Variants in KCNH3 observed in about 807,000 individuals in gnomAD.
The protein encoded by KCNH3 is potassium voltage-gated channel subfamily H member 3.
Under a neutral mutation model 95.6 loss-of-function variants are expected in KCNH3, and 36 were observed. The ratio of observed to expected loss-of-function variants is 0.38; its 90% CI spans 0.29 to 0.50. The LOEUF (loss-of-function observed/expected upper bound fraction) is 0.50, where lower values mean the gene tolerates loss of function less well. Among genes scored for constraint, KCNH3 ranks in the 20% least tolerant of loss-of-function variants. KCNH3 has a pLI of 0.95. For synonymous variants in KCNH3, 620 were observed against 646.3 expected (o/e 0.96, Z 0.62); for missense variants, 1,030 against 1,484.1 (o/e 0.69, Z 5.03).
At position 49,541,773 on chromosome 12, in the gene KCNH3, A is replaced by C. The variant is rs1163031282; in HGVS notation, c.445+9A>C. ...CAGATGGAAGGAGACAGGTAGGTGCATGTAGGTGCTGTGGTCGGGGTATTG... is the reference window on the plus strand; with the variant it reads ...CAGATGGAAGGAGACAGGTAGGTGCCTGTAGGTGCTGTGGTCGGGGTATTG... On this transcript the variant is annotated intron_variant, in intron 3 of 14. Transcript: ENST00000257981. 1.2e-6 allele frequency: 2 copies of C among 1,613,874 alleles called. No homozygotes were observed. The highest frequency in any genetic ancestry group is 2.2e-5 in the East Asian group (1 of 44,880).
chr12:49,542,610 C>T (rs1264349568), intron 3 of KCNH3, 96 bp from the exon 4 acceptor site: 2 of 1,382,670 alleles, frequency 1.4e-6, no homozygotes, highest in Non-Finnish European at 1.9e-6. Context: ...TGAGCCAGAC[C>T]AGTCCATGGG....
At chr12:49,550,043 T>TTGCCCCCCCCCCCCCCCCCCCCCCCC in intron 9 of KCNH3, 37 bp from the exon 10 acceptor site, 1 of 1,299,542 alleles carries the variant, frequency 7.7e-7, no homozygotes, top group Non-Finnish European at 1.1e-6. Context: ...CTTCTGCCAC[T>TTGCCCCCCCCCCCCCCCCCCCCCCCC]CCCAACCCCC....
intron 7 of KCNH3, among the ~76,000 whole-genome samples, chr12:49,546,404 GC>G (rs1401042823): frequency 6.6e-6 from 1 of 151,724 alleles, no homozygotes; most frequent in East Asian, 1.9e-4. Flanking sequence ...TCCAAGTCCA[GC>G]CCTGGCAGGA....
At position 49,541,054 on chromosome 12, in the gene KCNH3, C is replaced by T; in HGVS notation, c.232C>T (p.Leu78Phe). The T allele has an allele frequency of 1.2e-6, 2 of 1,613,378 alleles. No individual in the cohort carries two copies. Among genetic ancestry groups the T allele is most frequent in the Non-Finnish European group, 1.7e-6 (2 of 1,180,030 alleles). ...CCTTTATGGGCCAGACACCAGTGAG[C>T]TCGTCCGCCAACAGATCCGCAAGGC... ...SFLYGPDTSELVRQQIRKALD... is the reference protein window; with the variant it reads ...SFLYGPDTSEFVRQQIRKALD... Residue 78 changes from leucine (L) to phenylalanine (F), a missense_variant, in exon 2 of 15, where the codon CTC (leucine) becomes TTC (phenylalanine). Around this residue, in one of 9 missense-constraint regions of KCNH3, gnomAD observed 63 missense variants for 107.7 expected, o/e 0.59. Transcript: ENST00000257981.
chr12:49,551,039 G>T (rs1212473446), intron 10 of KCNH3, among the ~76,000 whole-genome samples: 2 of 152,182 alleles, frequency 1.3e-5, no homozygotes, highest in Non-Finnish European at 2.9e-5. Context: ...TTCCTATTTT[G>T]CATAGCAGGA....
intron 7 of KCNH3, 130 bp downstream of exon 7, chr12:49,544,512 T>C (rs1373722950): frequency 1.1e-6 from 1 of 884,518 alleles, no homozygotes; most frequent in Non-Finnish European, 1.8e-6. Context: ...GAGAAGAGGG[T>C]GTGCAGGTGT....
At chr12:49,547,924 A>G (rs1938114858) in intron 7 of KCNH3, among the ~76,000 whole-genome samples, 1 of 152,032 alleles carries the variant, frequency 6.6e-6, no homozygotes, top group Non-Finnish European at 1.5e-5. Context: ...TCCCCCATCC[A>G]ACACCCTAGA....
In KCNH3 at chr12:49,539,511, C is replaced by A. The variant is rs754655523; in HGVS notation, c.76+19C>A. 7 of 1,583,966 alleles carry A rather than the reference C, an allele frequency of 4.4e-6. No homozygotes were observed. The East Asian group carries it at 1.5e-4, about 33-fold the overall frequency. ...GGCACGCGTGAGTCCGACCCTCGCC[C>A]ACTTGCACCCGGGCCGCCGGACCCT... On this transcript the variant is annotated intron_variant, in intron 1 of 14. Transcript: ENST00000257981. This position sits in a 1 kb window ranked among gnomAD's most constrained non-coding sequence, Gnocchi z 6.7.
At chr12:49,546,054 A>G (rs1938051863) in intron 7 of KCNH3, 1 of 152,050 alleles carries the variant, frequency 6.6e-6, no homozygotes, top group African/African-American at 2.4e-5. Context: ...CCAAATCCCT[A>G]GGTCCACTCC....
At chr12:49,552,814 A>G (rs1188308824) in intron 10 of KCNH3, among the ~76,000 whole-genome samples, 3 of 152,220 alleles carry the variant, frequency 2.0e-5, no homozygotes, top group South Asian at 4.1e-4. Flanking sequence ...CGCCAATGAA[A>G]AGAGAGCACA....
intron 10 of KCNH3, 67 bp from the exon 11 acceptor site, chr12:49,554,270 C>A: frequency 7.8e-7 from 1 of 1,289,622 alleles, no homozygotes; most frequent in Non-Finnish European, 1.1e-6. Context: ...CAGCAACCTG[C>A]AGCCCCCTCT....
rs1284363498 is a variant in KCNH3 at position 49,542,791 on chromosome 12, G to A, written c.531G>A (p.Leu177=). 3 of 1,601,570 alleles carry A rather than the reference G, an allele frequency of 1.9e-6. No homozygotes were observed. The South Asian group carries it at 3.4e-5, about 18-fold the overall frequency. ...GGAGCCGGGCCGTGCTCTACCACCT[G>A]TCCGGGCACCTGCAGAAGCAGCCCA... ...RRRSRAVLYH[L]SGHLQKQPKG... is the part of the protein sequence containing the mutation. The change falls in exon 4 of 15, where the codon CTG becomes CTA. Residue 177 remains leucine (L), a synonymous_variant. Coordinates refer to ENST00000257981, the MANE Select transcript of KCNH3 (RefSeq NM_012284.3).
At chr12:49,555,065 T>C (rs1031296626) in intron 11 of KCNH3, among the ~76,000 whole-genome samples, 2 of 151,986 alleles carry the variant, frequency 1.3e-5, no homozygotes, top group Non-Finnish European at 2.9e-5. Context: ...AGAGGAGTGG[T>C]GGTGTCCGTA....
chr12:49,555,747 C>A lies in KCNH3; in HGVS notation c.2264C>A (p.Ser755Tyr). 2 of 1,613,470 alleles carry A rather than the reference C, an allele frequency of 1.2e-6. No homozygotes were observed. Among genetic ancestry groups the A allele is most frequent in the Non-Finnish European group, 1.7e-6 (2 of 1,179,790 alleles). ...GATGAGCCCTCCAGCCCCCTGCTGT[C>A]CCCTGGCTGCACCTCCTCATCCTCA... is the stretch of plus-strand genomic sequence containing the variant. ...PADEPSSPLL[S>Y]PGCTSSSSAA... Residue 755 changes from serine to tyrosine, a missense_variant, in exon 12 of 15, where the codon TCC becomes TAC. This residue lies in a region of KCNH3 where 464 missense variants were observed against 493.2 expected (regional missense o/e 0.94). Coordinates refer to ENST00000257981, the MANE Select transcript of KCNH3 (RefSeq NM_012284.3).
Position 49,557,705 on chromosome 12 carries a change from C to T in KCNH3, c.3004C>T (p.Pro1002Ser). ...CTGGACCTCCACCTCAGACTCAGAGCCCCCTGCCTCAGGAGACCTCTGCTC... is the reference window on the plus strand; with the variant it reads ...CTGGACCTCCACCTCAGACTCAGAGTCCCCTGCCTCAGGAGACCTCTGCTC... ...AFWTSTSDSEPPASGDLCSEP... is the reference protein window; with the variant it reads ...AFWTSTSDSESPASGDLCSEP... Residue 1002 changes from proline (P) to serine (S), a missense_variant, in exon 15 of 15, where the codon CCC becomes TCC. Physicochemically the swap from Pro to Ser is moderately conservative, Grantham distance 74. Transcript: ENST00000257981. 6.2e-7 allele frequency: 1 copy of T among 1,613,810 alleles called. No homozygotes were observed. The highest frequency in any genetic ancestry group is 8.5e-7 in the Non-Finnish European group (1 of 1,179,944).
chr12:49,557,287 G>A (rs1449766140), intron 14 of KCNH3, 28 bp downstream of exon 14: 2 of 1,613,798 alleles, frequency 1.2e-6, no homozygotes, highest in African/African-American at 1.3e-5. Context: ...TGGAGGTGAG[G>A]GGGGCACCAG....
intron 10 of KCNH3, among the ~76,000 whole-genome samples, chr12:49,551,168 A>C (rs1938243766): frequency 6.6e-6 from 1 of 152,140 alleles, no homozygotes; most frequent in Non-Finnish European, 1.5e-5. Context: ...TCTGGGGGGA[A>C]TTGGGACTGG....
intron 11 of KCNH3, 102 bp from the exon 12 acceptor site, chr12:49,555,518 G>T: frequency 1.6e-6 from 1 of 608,436 alleles, no homozygotes; most frequent in Non-Finnish European, 2.8e-6. Flanking sequence ...TTCTAACAAA[G>T]ATGGCTCATC....
At chr12:49,551,298 G>A (rs576198734) in intron 10 of KCNH3, among the ~76,000 whole-genome samples, 3 of 152,258 alleles carry the variant, frequency 2.0e-5, no homozygotes, top group African/African-American at 4.8e-5. Context: ...CTAAAGGACC[G>A]GGCGCGGTAG....
Sources: gnomAD v4.1 joint callset for allele counts (sites outside exome capture counted in the v4.1 genomes callset) on GRCh38, gnomAD v4.1.1 for gene constraint, gnomAD v4.1.1 regional missense constraint, Gnocchi (gnomAD v3.1) non-coding constraint, MANE v1.5 for transcripts, NCBI Gene and HGNC (gene_info 2026-07-23, HGNC 2026-07-21) for gene names.